SLCO1A2: variants seen among roughly 807,000 people sequenced by gnomAD.
SLCO1A2 encodes the protein solute carrier organic anion transporter family member 1A2.
Under a neutral mutation model 69.0 loss-of-function variants are expected in SLCO1A2, and 67 were observed. That is an observed-to-expected ratio of 0.97 (90% CI 0.80 to 1.19). The LOEUF is 1.19. Ranked by LOEUF, SLCO1A2 falls within the 50% of genes most tolerant of loss-of-function variation. SLCO1A2 has a pLI of 0.00. For synonymous variants in SLCO1A2, 260 were observed against 265.9 expected (o/e 0.98, Z 0.22); for missense variants, 787 against 793.7 (o/e 0.99, Z 0.10).
chr12:21,296,701 A>T (rs1947765695), intron 9 of SLCO1A2, among the ~76,000 whole-genome samples: 3 of 152,234 alleles, frequency 2.0e-5, no homozygotes, highest in Admixed American at 6.5e-5. Flanking sequence ...CATCTATACA[A>T]TGTGAGCATC....
At chr12:21,360,194 A>C (rs1231768043) in intron 2 of SLCO1A2, among the ~76,000 whole-genome samples, 1 of 152,196 alleles carries the variant, frequency 6.6e-6, no homozygotes. Context: ...AGGTTACAAG[A>C]CAACATTTTA....
intron 2 of SLCO1A2, among the ~76,000 whole-genome samples, chr12:21,346,941 C>T (rs1953270087): frequency 6.6e-6 from 1 of 151,208 alleles, no homozygotes; most frequent in Non-Finnish European, 1.5e-5. Flanking sequence ...AGTAACATGA[C>T]TGAGTCTATG....
chr12:21,348,328 G>C (rs186288656), intron 2 of SLCO1A2, among the ~76,000 whole-genome samples: 5 of 152,204 alleles, frequency 3.3e-5, no homozygotes, highest in Non-Finnish European at 4.4e-5. Context: ...CTATCAAATA[G>C]TGGATCTTAT....
In SLCO1A2 at chr12:21,267,057, T is replaced by C. The variant is rs1942144841; in HGVS notation, c.*2491A>G. On this transcript the variant is annotated 3_prime_UTR_variant, in exon 15 of 15. Coordinates refer to ENST00000683939, the MANE Select transcript of SLCO1A2 (RefSeq NM_001386879.1). ...TCTACCCTCATGAGAGTAGTACAAG[T>C]GCTCAGAATAAGAACTAAACTCCCA... is the stretch of plus-strand genomic sequence containing the variant. 1.3e-5 allele frequency: 2 copies of C among 151,978 alleles called. No individual in the cohort carries two copies. Among genetic ancestry groups the C allele is most frequent in the East Asian group, 1.9e-4 (1 of 5,178 alleles). The allele number at this position is 151,978 out of a possible 1,614,324, so 9.4% of individuals were successfully genotyped here.
rs78512395 is a variant in SLCO1A2, at chr12:21,417,195, A to G, written c.-312+687T>C. ...AAAGAAAAAAAGCAAGGCAATTTTA[A>G]TTACAAGAAAAACAAAAAGTTGTAC... On this transcript the variant is annotated intron_variant, in intron 1 of 4. Coordinates refer to the SLCO1A2 transcript ENST00000413682. 7.1e-4 allele frequency among the ~76,000 whole-genome samples: 108 copies of G among 152,204 alleles called. 2 individuals are homozygous for G. The East Asian group carries it at 0.02, about 28-fold the overall frequency.
chr12:21,377,558 C>T (rs989897581), intron 1 of SLCO1A2, among the ~76,000 whole-genome samples: 2 of 152,124 alleles, frequency 1.3e-5, no homozygotes, highest in African/African-American at 4.8e-5. Context: ...TTAGTAACTC[C>T]CTATTTCCCC....
rs529441249 is a variant in SLCO1A2, at chr12:21,357,721, T to C, written c.-63+16678A>G. 2.0e-5 allele frequency among the ~76,000 whole-genome samples: 3 copies of C among 151,706 alleles called. No individual in the cohort carries two copies. In the East Asian group the frequency reaches 5.8e-4, roughly 29 times the overall value. ...TTTTTCATTTGTTTCTGTGTTTATT[T>C]TTTTTGTTTTTATCTGGAGGAATCA... On this transcript the variant is annotated intron_variant, in intron 2 of 15. Coordinates refer to the SLCO1A2 transcript ENST00000307378.
intron 12 of SLCO1A2, among the ~76,000 whole-genome samples, chr12:21,288,882 T>C (rs1173000509): frequency 6.6e-6 from 1 of 151,600 alleles, no homozygotes; most frequent in Non-Finnish European, 1.5e-5. Context: ...TGATTTATTT[T>C]ATGTATAATT....
chr12:21,408,869 T>A lies in SLCO1A2; in HGVS notation c.-312+9013A>T, dbSNP rs146042448. On this transcript the variant is annotated intron_variant, in intron 1 of 4. Transcript: ENST00000413682. The stretch of plus-strand genomic sequence containing the variant: ...ACTTATGTCCAAAGACCACCAAACA[T>A]CCCCAACGCTCTTCTAAAACAACTT... 3.3e-4 allele frequency among the ~76,000 whole-genome samples: 50 copies of A among 152,194 alleles called. 1 individual carries two copies. Among genetic ancestry groups the A allele is most frequent in the African/African-American group, 1.1e-3 (45 of 41,524 alleles).
At chr12:21,356,991 T>C (rs967246816) in intron 2 of SLCO1A2, among the ~76,000 whole-genome samples, 1 of 149,524 alleles carries the variant, frequency 6.7e-6, no homozygotes, top group African/African-American at 2.5e-5. Context: ...ATACAGAAAA[T>C]ATTGACCACA....
chr12:21,367,256 A>G (rs1454017208), intron 2 of SLCO1A2, among the ~76,000 whole-genome samples: 8 of 152,178 alleles, frequency 5.3e-5, no homozygotes, highest in East Asian at 1.9e-4. Flanking sequence ...TCAGTCTTTC[A>G]TGTGTCCATT....
chr12:21,275,555 T>G, intron 12 of SLCO1A2, 131 bp from the exon 13 acceptor site: 1 of 961,486 alleles, frequency 1.0e-6, no homozygotes, highest in East Asian at 3.1e-5. Flanking sequence ...GCTCACTTAT[T>G]GGTTATTCAG....
chr12:21,314,760 T>G, intron 3 of SLCO1A2, 79 bp from the exon 4 acceptor site: 4 of 1,078,646 alleles, frequency 3.7e-6, no homozygotes, highest in Non-Finnish European at 5.5e-6. Context: ...TCATTTACAT[T>G]CTAGCATTTA....
At chr12:21,353,285 A>G (rs2137018937) in intron 2 of SLCO1A2, among the ~76,000 whole-genome samples, 1 of 152,296 alleles carries the variant, frequency 6.6e-6, no homozygotes, top group East Asian at 1.9e-4. Flanking sequence ...AGAAAGTAAT[A>G]GTATTTTTAA....
intron 8 of SLCO1A2, among the ~76,000 whole-genome samples, chr12:21,299,770 G>GTATATGTGTGTGTATA (rs1555112072): frequency 7.7e-5 from 10 of 129,706 alleles, no homozygotes; most frequent in Admixed American, 7.8e-5. Flanking sequence ...ATATACGTGT[G>GTATATGTGTGTGTATA]TATATATATA....
At chr12:21,279,570 GA>G (rs141035297) in intron 12 of SLCO1A2, among the ~76,000 whole-genome samples, 5,897 of 152,036 alleles carry the variant, frequency 0.039, 476 homozygotes, top group East Asian at 0.35. Context: ...AGTGCTGAAG[GA>G]AAAAAACTTT....
intron 6 of SLCO1A2, among the ~76,000 whole-genome samples, chr12:21,302,137 A>G (rs1591816182): frequency 6.6e-6 from 1 of 152,092 alleles, no homozygotes; most frequent in Middle Eastern, 3.4e-3. Flanking sequence ...ATTCTACAAA[A>G]TCTCAAATCC....
At chr12:21,285,175 A>G (rs1223438481) in intron 12 of SLCO1A2, among the ~76,000 whole-genome samples, 6 of 150,568 alleles carry the variant, frequency 4.0e-5, no homozygotes, top group African/African-American at 7.3e-5. Flanking sequence ...TAAAGGGGAT[A>G]TCACCACCGA....
chr12:21,390,962 C>A (rs1327316377), intron 1 of SLCO1A2, among the ~76,000 whole-genome samples: 2 of 152,130 alleles, frequency 1.3e-5, no homozygotes, highest in South Asian at 2.1e-4. Context: ...TATTAAGTAA[C>A]CCCTAAGCCA....
Sources: allele counts gnomAD v4.1 joint callset (sites outside exome capture counted in the v4.1 genomes callset), GRCh38; gene constraint gnomAD v4.1.1; transcripts MANE v1.5; gene names NCBI Gene and HGNC (gene_info 2026-07-23, HGNC 2026-07-21).